Variants in SAMD3 observed in about 807,000 individuals in gnomAD.
The protein encoded by SAMD3 is sterile alpha motif domain-containing protein 3.
SAMD3 carries 63 observed loss-of-function variants against 58.5 expected under a neutral mutation model. That is an observed-to-expected ratio of 1.08 (90% CI 0.88 to 1.33). The LOEUF (loss-of-function observed/expected upper bound fraction) is 1.33, where lower values mean the gene tolerates loss of function less well. SAMD3 is among the 40% of genes most tolerant of loss of function. The probability of loss-of-function intolerance (pLI) is 0.00; values close to 1 mark genes in which losing one functional copy is unlikely to be tolerated. For synonymous variants in SAMD3, 220 were observed against 210.3 expected, an observed-to-expected ratio of 1.05 and a Z score of -0.40; for missense variants, 604 against 608.4, an observed-to-expected ratio of 0.99 and a Z score of 0.08.
At chr6:130,162,638 G>A (rs986132223) in intron 8 of SAMD3, among the ~76,000 whole-genome samples, 1 of 152,116 alleles carries the variant, frequency 6.6e-6, no homozygotes, top group African/African-American at 2.4e-5. Flanking sequence ...ACTGCATCTG[G>A]TCCCTGAATA....
At chr6:130,158,536 T>TA (rs2114603749) in intron 8 of SAMD3, among the ~76,000 whole-genome samples, 1 of 152,114 alleles carries the variant, frequency 6.6e-6, no homozygotes, top group South Asian at 2.1e-4. Context: ...AGCAAAAACT[T>TA]AAAAAAATTT....
At chr6:130,206,999 A>G (rs1252008729) in intron 5 of SAMD3, among the ~76,000 whole-genome samples, 3 of 152,064 alleles carry the variant, frequency 2.0e-5, no homozygotes, top group Non-Finnish European at 4.4e-5. Flanking sequence ...TCATTAAAAA[A>G]TTAGCTGGGC....
intron 5 of SAMD3, among the ~76,000 whole-genome samples, chr6:130,198,015 C>T (rs892834185): frequency 1.3e-5 from 2 of 152,182 alleles, no homozygotes; most frequent in African/African-American, 2.4e-5. Flanking sequence ...AGCTCCCCCA[C>T]TGAGTACCTT....
intron 1 of SAMD3, among the ~76,000 whole-genome samples, chr6:130,361,519 CTTGATATTTATAAACA>C (rs1396788075): frequency 6.6e-6 from 1 of 152,084 alleles, no homozygotes; most frequent in South Asian, 2.1e-4. Flanking sequence ...ATTAAGAAAT[CTTGATATTTATAAACA>C]TTTTAGAATT....
At chr6:130,361,146 A>G (rs563464794) in intron 1 of SAMD3, among the ~76,000 whole-genome samples, 12 of 152,208 alleles carry the variant, frequency 7.9e-5, no homozygotes, top group Admixed American at 2.0e-4. Context: ...GATTAAAGTA[A>G]AGACAGGCAT....
At chr6:130,201,407 T>G (rs1388852862) in intron 5 of SAMD3, among the ~76,000 whole-genome samples, 1 of 152,210 alleles carries the variant, frequency 6.6e-6, no homozygotes, top group African/African-American at 2.4e-5. Flanking sequence ...AAACGTGGTC[T>G]TAGAACAGCA....
intron 4 of SAMD3, among the ~76,000 whole-genome samples, chr6:130,213,058 G>C (rs1157047874): frequency 6.6e-6 from 1 of 152,152 alleles, no homozygotes; most frequent in African/African-American, 2.4e-5. Context: ...TGAGGTGGGA[G>C]GATGGCTTGA....
At chr6:130,289,497 A>AT (rs1775288454) in intron 2 of SAMD3, among the ~76,000 whole-genome samples, 3 of 85,198 alleles carry the variant, frequency 3.5e-5, no homozygotes, top group African/African-American at 7.1e-5. Context: ...AAAGAAAAAA[A>AT]AATATATATA....
intron 2 of SAMD3, 74 bp from the exon 3 acceptor site, chr6:130,215,368 G>A: frequency 7.9e-7 from 1 of 1,273,776 alleles, no homozygotes; most frequent in Non-Finnish European, 1.1e-6. Flanking sequence ...TTAACAGTCA[G>A]CCGCTTCCTT....
At chr6:130,194,018 G>A (rs149292928) in intron 5 of SAMD3, among the ~76,000 whole-genome samples, 4,164 of 151,646 alleles carry the variant, frequency 0.027, 90 homozygotes, top group African/African-American at 0.059. Context: ...GCTGCTTCTC[G>A]CCAGGTCGAG....
chr6:130,325,115 A>T (rs903869354), intron 1 of SAMD3, among the ~76,000 whole-genome samples: 2 of 152,194 alleles, frequency 1.3e-5, no homozygotes, highest in Non-Finnish European at 2.9e-5. Context: ...TTTAGCAGAA[A>T]TCTCATTGTA....
intron 8 of SAMD3, among the ~76,000 whole-genome samples, chr6:130,164,551 T>C (rs1195626484): frequency 6.6e-6 from 1 of 152,152 alleles, no homozygotes; most frequent in Non-Finnish European, 1.5e-5. Flanking sequence ...GATCGAATGC[T>C]TGACAGTGTG....
chr6:130,290,768 A>C (rs1775336052), intron 2 of SAMD3, among the ~76,000 whole-genome samples: 1 of 152,250 alleles, frequency 6.6e-6, no homozygotes, highest in Non-Finnish European at 1.5e-5. Flanking sequence ...GTGTGTTCAG[A>C]ATAAGATAGT....
At chr6:130,201,491 C>T (rs1439581911) in intron 5 of SAMD3, among the ~76,000 whole-genome samples, 1 of 152,160 alleles carries the variant, frequency 6.6e-6, no homozygotes, top group Non-Finnish European at 1.5e-5. Flanking sequence ...TAACAAGATT[C>T]CTCAGTGTTT....
Position 130,213,313 on chromosome 6 carries a change from CTT to C in SAMD3, c.269+1022_269+1023del, listed in dbSNP as rs1221967075. ...ACCCATCTCTAAAAAAAACAAAAAG[CTT>C]TTTTTTTTTTAAAAAAAATCAATTA... On this transcript the variant is annotated intron_variant, in intron 4 of 11. Coordinates refer to ENST00000439090, the MANE Select transcript of SAMD3 (RefSeq NM_001017373.4). Among the ~76,000 whole-genome samples, 222 of 128,108 alleles carry C rather than the reference CTT, an allele frequency of 1.7e-3. 1 individual carries two copies. The highest frequency in any genetic ancestry group is 2.3e-3 in the African/African-American group (79 of 34,396). The allele number at this position is 128,108 out of a possible 152,430, so 84.0% of individuals were successfully genotyped here.
intron 5 of SAMD3, among the ~76,000 whole-genome samples, chr6:130,197,678 C>T (rs1341365230): frequency 6.6e-6 from 1 of 152,156 alleles, no homozygotes; most frequent in Non-Finnish European, 1.5e-5. Flanking sequence ...CTCTAGGTTC[C>T]CATGCCACCC....
chr6:130,269,185 A>G (rs1048727114), intron 2 of SAMD3, among the ~76,000 whole-genome samples: 1 of 152,116 alleles, frequency 6.6e-6, no homozygotes, highest in African/African-American at 2.4e-5. Flanking sequence ...TATACGTTCA[A>G]TTGCTCCAGC....
intron 9 of SAMD3, among the ~76,000 whole-genome samples, chr6:130,148,043 G>T (rs146173093): frequency 1.7e-3 from 252 of 152,216 alleles, no homozygotes; most frequent in African/African-American, 5.7e-3. Context: ...AATATATGTT[G>T]TATTTTATGA....
chr6:130,156,440 G>A (rs1279520240), intron 8 of SAMD3, among the ~76,000 whole-genome samples: 2 of 152,118 alleles, frequency 1.3e-5, no homozygotes, highest in Admixed American at 6.6e-5. Flanking sequence ...AGTCACTCTC[G>A]TTCATGAACA....
Sources: allele counts gnomAD v4.1 joint callset (sites outside exome capture counted in the v4.1 genomes callset), GRCh38; gene constraint gnomAD v4.1.1; transcripts MANE v1.5; gene names NCBI Gene and HGNC (gene_info 2026-07-23, HGNC 2026-07-21).